The following OSBP2 variants were observed in gnomAD, a reference collection of about 807,000 sequenced individuals.
The protein encoded by OSBP2 is oxysterol-binding protein 2.
OSBP2 carries 66 observed loss-of-function variants against 96.0 expected under a neutral mutation model. The ratio of observed to expected loss-of-function variants is 0.69; its 90% CI spans 0.56 to 0.84. OSBP2 has a LOEUF of 0.84. Ranked by LOEUF, OSBP2 falls within the 40% of genes least tolerant of loss-of-function variation. The pLI is 0.00. For synonymous variants in OSBP2, 525 were observed against 520.9 expected (o/e 1.01, Z -0.11); for missense variants, 1,038 against 1,222.7 (o/e 0.85, Z 2.25).
At chr22:30,825,625 T>C (rs1189966068) in intron 2 of OSBP2, among the ~76,000 whole-genome samples, 1 of 152,204 alleles carries the variant, frequency 6.6e-6, no homozygotes, top group Non-Finnish European at 1.5e-5. Flanking sequence ...TATGTGTATA[T>C]GCACATGTAC....
At chr22:30,896,173 C>A (rs891245746) in intron 12 of OSBP2, among the ~76,000 whole-genome samples, 2 of 151,842 alleles carry the variant, frequency 1.3e-5, no homozygotes, top group South Asian at 4.2e-4. Context: ...GGGCATGCTA[C>A]TGTGCTCGCC....
intron 2 of OSBP2, among the ~76,000 whole-genome samples, chr22:30,743,205 C>T (rs1163482957): frequency 6.6e-6 from 1 of 152,196 alleles, no homozygotes; most frequent in Non-Finnish European, 1.5e-5. Flanking sequence ...GGAAGGAGCT[C>T]CAGCATTTGG....
intron 3 of OSBP2, among the ~76,000 whole-genome samples, chr22:30,882,755 G>T (rs896501852): frequency 6.6e-6 from 1 of 152,230 alleles, no homozygotes; most frequent in Admixed American, 6.5e-5. Flanking sequence ...GCTATCAGCT[G>T]CCCGGATCTG....
chr22:30,764,123 C>A, intron 2 of OSBP2: 3 of 428,564 alleles, frequency 7.0e-6, no homozygotes, highest in Non-Finnish European at 9.4e-6. Flanking sequence ...GGGGGGCTAG[C>A]CTAGCGCCTC....
chr22:30,831,606 A>G (rs1425846632), intron 2 of OSBP2, among the ~76,000 whole-genome samples: 5 of 152,156 alleles, frequency 3.3e-5, no homozygotes, highest in Non-Finnish European at 2.9e-5. Context: ...GCCCCTTGCA[A>G]AAATTATTAA....
intron 1 of OSBP2, among the ~76,000 whole-genome samples, chr22:30,703,633 G>T (rs564609621): frequency 1.3e-5 from 2 of 151,580 alleles, no homozygotes; most frequent in Non-Finnish European, 2.9e-5. Context: ...CTGCCACCAT[G>T]CCCTGCTAAT....
chr22:30,743,597 C>T (rs972613616), intron 2 of OSBP2, among the ~76,000 whole-genome samples: 1 of 152,160 alleles, frequency 6.6e-6, no homozygotes, highest in Non-Finnish European at 1.5e-5. Context: ...GCTGCTGGCA[C>T]AGCTGGGCTC....
chr22:30,749,530 G>A lies in OSBP2; in HGVS notation c.853+8161G>A, dbSNP rs544552847. ...TGTGACATTTGGCCGGAGAAAGGAA[G>A]ACCAGGCAGAACCTGCTTGAATTGA... is the stretch of plus-strand genomic sequence containing the variant. On this transcript the variant is annotated intron_variant, in intron 2 of 13. Coordinates refer to ENST00000332585, the MANE Select transcript of OSBP2 (RefSeq NM_030758.4). Among the ~76,000 whole-genome samples, 14 of 152,294 alleles carry A rather than the reference G, an allele frequency of 9.2e-5. No homozygotes were observed. In the East Asian group the frequency reaches 2.7e-3, roughly 29 times the overall value.
intron 1 of OSBP2, among the ~76,000 whole-genome samples, chr22:30,735,007 A>G (rs963611459): frequency 6.6e-6 from 1 of 152,276 alleles, no homozygotes; most frequent in Admixed American, 6.5e-5. Context: ...CCTAGGCAAC[A>G]TAGTGAGACC....
At chr22:30,768,110 G>A (rs760191696) in intron 2 of OSBP2, among the ~76,000 whole-genome samples, 1 of 152,110 alleles carries the variant, frequency 6.6e-6, no homozygotes, top group Non-Finnish European at 1.5e-5. Context: ...CAGGGTGAAT[G>A]GGTCACTCGT....
Position 30,764,164 on chromosome 22 carries a change from C to G in OSBP2, c.853+22795C>G, listed in dbSNP as rs1209831946. 7.8e-6 allele frequency: 7 copies of G among 897,686 alleles called. No individual in the cohort carries two copies. The African/African-American group carries it at 1.3e-4, about 16-fold the overall frequency. 55.6% of individuals were successfully genotyped at this position (897,686 alleles called of 1,614,324 possible). A position where few individuals can be genotyped will look rare whatever the true frequency, so the allele number is the denominator to read the frequency against. On this transcript the variant is annotated intron_variant, in intron 2 of 13. Transcript: ENST00000332585. ...CTCCCCGGTTCTCGCCTCCCCTAGG[C>G]TCGCCTACCCTCCATTGATGTCATA...
chr22:30,868,794 C>T (rs1373717910), intron 2 of OSBP2, among the ~76,000 whole-genome samples: 2 of 152,208 alleles, frequency 1.3e-5, no homozygotes, highest in Admixed American at 6.5e-5. Flanking sequence ...CTGGCCTGAC[C>T]CTGCCATGGA....
At position 30,906,180 on chromosome 22, in the gene OSBP2, CTG is replaced by C. The variant is rs1212688725; in HGVS notation, c.2609-14_2609-13del. 6.2e-7 allele frequency: 1 copy of C among 1,613,910 alleles called. No homozygotes were observed. The highest frequency in any genetic ancestry group is 1.7e-5 in the Admixed American group (1 of 60,032). On this transcript the variant is annotated splice_polypyrimidine_tract_variant and intron_variant, in intron 13 of 13. Transcript: ENST00000332585. ...GGCCACAAGCCCACCCACCAGCCCA[CTG>C]TGCCTGCCCAGCAGAGAAGGAGGCG...
chr22:30,863,175 A>G (rs948294932), intron 2 of OSBP2, among the ~76,000 whole-genome samples: 1 of 152,062 alleles, frequency 6.6e-6, no homozygotes, highest in South Asian at 2.1e-4. Context: ...ACGTTGCTTG[A>G]TATCCCCCAG....
At chr22:30,883,949 C>T (rs1215840629) in intron 3 of OSBP2, among the ~76,000 whole-genome samples, 1 of 152,050 alleles carries the variant, frequency 6.6e-6, no homozygotes, top group African/African-American at 2.4e-5. Flanking sequence ...GCAGGACGGC[C>T]GCTGTAGGAC....
At chr22:30,902,513 G>A in intron 12 of OSBP2, 1 of 1,521,926 alleles carries the variant, frequency 6.6e-7, no homozygotes, top group East Asian at 2.3e-5. Flanking sequence ...GAAGCTTCAG[G>A]GATGACTTCT....
chr22:30,708,984 C>T (rs965473165), intron 1 of OSBP2, among the ~76,000 whole-genome samples: 8 of 151,662 alleles, frequency 5.3e-5, no homozygotes, highest in African/African-American at 1.9e-4. Context: ...CCTGTAATCC[C>T]AGCTATTTGG....
chr22:30,712,295 C>T (rs1159421835), intron 1 of OSBP2, among the ~76,000 whole-genome samples: 1 of 152,174 alleles, frequency 6.6e-6, no homozygotes, highest in East Asian at 1.9e-4. Flanking sequence ...TTCTCTAGAG[C>T]AGTACATCAG....
rs1282484705 is a variant in OSBP2 at position 30,887,490 on chromosome 22, A to T, written c.1172A>T (p.Tyr391Phe). 1 of 1,613,810 alleles carries T rather than the reference A, an allele frequency of 6.2e-7. No individual in the cohort carries two copies. The highest frequency in any genetic ancestry group is 1.7e-5 in the Admixed American group (1 of 60,026). Reference sequence around the variant, plus strand: ...CGGAAATGGCAGCGGGCACTGCAGTATGAGCAGGAGCAGCGCGTGCACTTG... The same window carrying T: ...CGGAAATGGCAGCGGGCACTGCAGTTTGAGCAGGAGCAGCGCGTGCACTTG... ...HSRKWQRALQ[Y>F]EQEQRVHLEE... Residue 391 changes from tyrosine (Y) to phenylalanine (F), a missense_variant, in exon 4 of 14, where the codon TAT (tyrosine) becomes TTT (phenylalanine). Physicochemically the swap from Tyr to Phe is conservative, Grantham distance 22. Transcript: ENST00000332585.
Sources: allele counts gnomAD v4.1 joint callset (sites outside exome capture counted in the v4.1 genomes callset), GRCh38; gene constraint gnomAD v4.1.1; transcripts MANE v1.5; gene names NCBI Gene and HGNC (gene_info 2026-07-23, HGNC 2026-07-21).